The following ACSM3 variants were observed in gnomAD, a reference collection of about 807,000 sequenced individuals.
The protein encoded by ACSM3 is acyl-coenzyme A synthetase ACSM3, mitochondrial.
ACSM3 carries 61 observed loss-of-function variants against 74.1 expected under a neutral mutation model. The observed-to-expected ratio is 0.82, with a 90% CI of 0.67 to 1.02. The LOEUF is 1.02. ACSM3 is among the 50% of genes least tolerant of loss of function. The pLI is 0.00. For missense variants in ACSM3, 660 were observed against 697.0 expected (o/e 0.95, Z 0.60); for synonymous variants, 213 against 241.5 (o/e 0.88, Z 1.09).
At position 20,717,956 on chromosome 16, in the gene ACSM3, G is replaced by GGAAGAAGAAGAAGAAGAA. The variant is rs746227909; in HGVS notation, c.-189-31899_-189-31882dup. ...GAGAAGGAGAAGAGGAAGAGGAAGA[G>GGAAGAAGAAGAAGAAGAA]GAAGAAGAAGAAGAAGAAGAAGAAG... On this transcript the variant is annotated intron_variant, in intron 1 of 3. Coordinates refer to the ACSM3 transcript ENST00000561584. Among the ~76,000 whole-genome samples the GGAAGAAGAAGAAGAAGAA allele has an allele frequency of 2.1e-3, 160 of 74,438 alleles. 4 individuals carry two copies. The highest frequency in any genetic ancestry group is 7.4e-3 in the Middle Eastern group (1 of 136). 48.8% of individuals were successfully genotyped at this position (74,438 alleles called of 152,430 possible). A position where few individuals can be genotyped will look rare whatever the true frequency, so the allele number is the denominator to read the frequency against.
chr16:20,741,667 C>G, intron 1 of ACSM3: 1 of 1,583,866 alleles, frequency 6.3e-7, no homozygotes, highest in South Asian at 1.2e-5. Flanking sequence ...GCGCGCTTGG[C>G]CAGCACATAC....
chr16:20,750,043 G>C (rs1181277258), intron 2 of ACSM3: 2 of 152,012 alleles, frequency 1.3e-5, no homozygotes, highest in African/African-American at 4.8e-5. Context: ...ATTTCTGAGT[G>C]GACCAACTTT....
intron 1 of ACSM3, among the ~76,000 whole-genome samples, chr16:20,706,104 G>A (rs1567320299): frequency 1.3e-5 from 2 of 151,536 alleles, no homozygotes; most frequent in African/African-American, 4.8e-5. Flanking sequence ...GTGTGTGTGT[G>A]TATACATAAA....
At chr16:20,704,229 T>C (rs1485768684) in intron 1 of ACSM3, among the ~76,000 whole-genome samples, 1 of 152,190 alleles carries the variant, frequency 6.6e-6, no homozygotes, top group African/African-American at 2.4e-5. Flanking sequence ...TCAGGCACTG[T>C]TTCCAGGCTT....
chr16:20,734,521 A>G (rs989398429), intron 1 of ACSM3: 1 of 152,174 alleles, frequency 6.6e-6, no homozygotes, highest in African/African-American at 2.4e-5. Context: ...ATACATTCCC[A>G]TGTTCACTAG....
rs144729170 is a variant in ACSM3, at chr16:20,752,938, C to G, written c.-95-2635C>G. Among the ~76,000 whole-genome samples, 205 of 152,058 alleles carry G rather than the reference C, an allele frequency of 1.3e-3. 1 individual carries two copies. Among genetic ancestry groups the G allele is most frequent in the African/African-American group, 4.8e-3 (197 of 41,466 alleles). On this transcript the variant is annotated intron_variant, in intron 2 of 3. Coordinates refer to the ACSM3 transcript ENST00000561584. Reference sequence around the variant, plus strand: ...TAACTATTAGTTTATAGAAACTACACGGGACAGAAAAATATGTTAAACTCA... The same window carrying G: ...TAACTATTAGTTTATAGAAACTACAGGGGACAGAAAAATATGTTAAACTCA...
chr16:20,792,916 G>A (rs563571853), intron 12 of ACSM3, among the ~76,000 whole-genome samples: 67 of 152,186 alleles, frequency 4.4e-4, no homozygotes, highest in Non-Finnish European at 6.6e-4. Flanking sequence ...GCAGCCTCCT[G>A]CGTTTTGCCT....
chr16:20,782,626 C>G (rs1011740069), intron 7 of ACSM3, among the ~76,000 whole-genome samples: 2 of 152,170 alleles, frequency 1.3e-5, no homozygotes, highest in Admixed American at 6.5e-5. Flanking sequence ...AGCATCATAT[C>G]CCACAGGTTA....
chr16:20,764,634 A>C (rs1490599276), intron 1 of ACSM3: 1 of 152,164 alleles, frequency 6.6e-6, no homozygotes, highest in African/African-American at 2.4e-5. Context: ...GAGGCAGTAG[A>C]GTCACTTGAA....
chr16:20,752,070 A>T (rs944258853), intron 2 of ACSM3, among the ~76,000 whole-genome samples: 7 of 152,182 alleles, frequency 4.6e-5, no homozygotes, highest in African/African-American at 1.7e-4. Flanking sequence ...GGCATACAGA[A>T]AACATTCAAC....
intron 1 of ACSM3, among the ~76,000 whole-genome samples, chr16:20,701,597 C>T (rs985096495): frequency 2.0e-5 from 3 of 152,256 alleles, no homozygotes; most frequent in East Asian, 3.9e-4. Context: ...CACAGGTATA[C>T]ATGTGCCATG....
intron 1 of ACSM3, chr16:20,736,825 G>C (rs2079873545): frequency 6.4e-7 from 1 of 1,557,232 alleles, no homozygotes; most frequent in African/African-American, 1.4e-5. Flanking sequence ...TGGAGCCCCA[G>C]CAACATCTCG....
chr16:20,792,353 T>G lies in ACSM3; in HGVS notation c.1554+18T>G, dbSNP rs948433801. Reference sequence around the variant, plus strand: ...GAGGAGAGGTAAAAGAACTGATTCATGTCAACTTTATAATTTGTTGGCAAT... The same window carrying G: ...GAGGAGAGGTAAAAGAACTGATTCAGGTCAACTTTATAATTTGTTGGCAAT... On this transcript the variant is annotated intron_variant, in intron 12 of 13. Coordinates refer to ENST00000289416, the MANE Select transcript of ACSM3 (RefSeq NM_005622.4). 1 of 1,613,234 alleles carries G rather than the reference T, an allele frequency of 6.2e-7. No homozygotes were observed. Among genetic ancestry groups the G allele is most frequent in the South Asian group, 1.1e-5 (1 of 91,032 alleles).
At chr16:20,715,608 C>G (rs539540464) in intron 1 of ACSM3, among the ~76,000 whole-genome samples, 3 of 113,604 alleles carry the variant, frequency 2.6e-5, no homozygotes, top group Non-Finnish European at 6.6e-5. Flanking sequence ...CATCTCAAAA[C>G]AAAACAAAAC....
chr16:20,796,919 A>C lies in ACSM3; in HGVS notation c.1708A>C (p.Ser570Arg), dbSNP rs141403100. 9 of 1,612,932 alleles carry C rather than the reference A, an allele frequency of 5.6e-6. No individual in the cohort carries two copies. Among genetic ancestry groups the C allele is most frequent in the Non-Finnish European group, 7.6e-6 (9 of 1,179,554 alleles). Residue 570 changes from serine to arginine, a missense_variant, in exon 14 of 14, where the codon AGT becomes CGT. Physicochemically the swap from Ser to Arg is moderately radical, Grantham distance 110. Transcript: ENST00000289416. Reference sequence around the variant, plus strand: ...TATTCAAGAGCTGCCAAAGACTATCAGTGGGAAGACAAAAAGAAATGAACT... The same window carrying C: ...TATTCAAGAGCTGCCAAAGACTATCCGTGGGAAGACAAAAAGAAATGAACT... The part of the protein sequence containing the change: ...EFIQELPKTI[S>R]GKTKRNELRK...
chr16:20,735,968 T>C (rs1264082724), intron 1 of ACSM3: 1 of 152,232 alleles, frequency 6.6e-6, no homozygotes, highest in Non-Finnish European at 1.5e-5. Flanking sequence ...AATAATTTGC[T>C]TCTTAAACCT....
In ACSM3 at chr16:20,780,830, T is replaced by G; in HGVS notation, c.755T>G (p.Phe252Cys). 2 of 1,614,216 alleles carry G rather than the reference T, an allele frequency of 1.2e-6. No individual in the cohort carries two copies. The highest frequency in any genetic ancestry group is 1.3e-5 in the African/African-American group (1 of 75,074). Residue 252 changes from phenylalanine (F) to cysteine (C), a missense_variant, in exon 5 of 14, where the codon TTT (phenylalanine) becomes TGT (cysteine). Phe to Cys is a radical substitution (Grantham distance 205, BLOSUM62 -2). Coordinates refer to ENST00000289416, the MANE Select transcript of ACSM3 (RefSeq NM_005622.4). The stretch of plus-strand genomic sequence containing the variant: ...ATGACTGCACACACCCACAGCAGTT[T>G]TGGTTTAGGATTATCTGTAAATGGA... ...PKMTAHTHSS[F>C]GLGLSVNGRF...
intron 1 of ACSM3, among the ~76,000 whole-genome samples, chr16:20,725,021 G>GA (rs1185044850): frequency 6.6e-6 from 1 of 152,046 alleles, no homozygotes; most frequent in African/African-American, 2.4e-5. Flanking sequence ...CACAGAATTG[G>GA]AAAAAACAAC....
chr16:20,770,227 C>G lies in ACSM3; in HGVS notation c.193C>G (p.Leu65Val). Reference protein sequence around the residue: ...PEYFNFAKDVLDQWTDKEKAG... With the variant: ...PEYFNFAKDVVDQWTDKEKAG... ...GTATTTCAACTTTGCTAAAGATGTCCTGGACCAATGGACTGATAAGGAAAA... is the reference window on the plus strand; with the variant it reads ...GTATTTCAACTTTGCTAAAGATGTCGTGGACCAATGGACTGATAAGGAAAA... The change falls in exon 2 of 14, where the codon CTG becomes GTG. Residue 65 changes from leucine (L) to valine (V), a missense_variant. Transcript: ENST00000289416. The G allele has an allele frequency of 1.9e-6, 3 of 1,614,076 alleles. No homozygotes were observed. The highest frequency in any genetic ancestry group is 2.5e-6 in the Non-Finnish European group (3 of 1,179,990).
Sources: gnomAD v4.1 joint callset for allele counts (sites outside exome capture counted in the v4.1 genomes callset) on GRCh38, gnomAD v4.1.1 for gene constraint, MANE v1.5 for transcripts, NCBI Gene and HGNC (gene_info 2026-07-23, HGNC 2026-07-21) for gene names.